Variants in TNPO3 observed in about 807,000 individuals in gnomAD.
TNPO3 encodes the protein transportin 3, also known as transportin-3.
Under a neutral mutation model 122.8 loss-of-function variants are expected in TNPO3, and 65 were observed. The ratio of observed to expected loss-of-function variants is 0.53; its 90% CI spans 0.43 to 0.65. The LOEUF (loss-of-function observed/expected upper bound fraction) is 0.65, where lower values mean the gene tolerates loss of function less well. Among genes scored for constraint, TNPO3 ranks in the 30% least tolerant of loss-of-function variants. The probability of loss-of-function intolerance (pLI) is 0.00; values close to 1 mark genes in which losing one functional copy is unlikely to be tolerated. For missense variants in TNPO3, 850 were observed against 1,136.7 expected, an observed-to-expected ratio of 0.75 and a Z score of 3.63; for synonymous variants, 372 against 411.2, an observed-to-expected ratio of 0.90 and a Z score of 1.15.
intron 9 of TNPO3, among the ~76,000 whole-genome samples, chr7:128,992,605 G>A (rs1800861331): frequency 6.6e-6 from 1 of 152,108 alleles, no homozygotes; most frequent in Non-Finnish European, 1.5e-5. Context: ...GGTACACCTA[G>A]CAGAATACTC....
At chr7:128,971,281 G>A (rs1798463503) in intron 19 of TNPO3, among the ~76,000 whole-genome samples, 1 of 151,936 alleles carries the variant, frequency 6.6e-6, no homozygotes, top group Non-Finnish European at 1.5e-5. Context: ...TAGAAACTGG[G>A]ATTACAGGCA....
chr7:128,964,954 A>T (rs182709628), intron 21 of TNPO3, among the ~76,000 whole-genome samples: 4 of 152,336 alleles, frequency 2.6e-5, no homozygotes, highest in African/African-American at 9.6e-5. Context: ...AAAAGGATCA[A>T]AGACCTGATA....
At chr7:129,024,230 G>T (rs971648025) in intron 1 of TNPO3, among the ~76,000 whole-genome samples, 5 of 152,158 alleles carry the variant, frequency 3.3e-5, no homozygotes, top group African/African-American at 1.2e-4. Flanking sequence ...TGGAGAGAAT[G>T]TGGAAGAGCC....
chr7:129,017,254 AAG>A (rs1183630891), intron 2 of TNPO3, among the ~76,000 whole-genome samples, 198 bp from the exon 3 acceptor site: 1 of 152,232 alleles, frequency 6.6e-6, no homozygotes, highest in Non-Finnish European at 1.5e-5. Context: ...GCTGAAATTT[AAG>A]AGTTAACCTT....
chr7:128,973,326 T>G (rs901194059), intron 18 of TNPO3, among the ~76,000 whole-genome samples: 47 of 152,182 alleles, frequency 3.1e-4, no homozygotes, highest in Admixed American at 1.3e-4. Flanking sequence ...TCTAAGTTCC[T>G]TTAATATACA....
At chr7:128,992,161 A>C in intron 9 of TNPO3, 71 bp from the exon 10 acceptor site, 1 of 835,888 alleles carries the variant, frequency 1.2e-6, no homozygotes, top group Non-Finnish European at 1.9e-6. Flanking sequence ...AAAACAAAAA[A>C]TCCAGTTAAA....
At chr7:128,987,246 C>T (rs1800259235) in intron 11 of TNPO3, among the ~76,000 whole-genome samples, 1 of 152,090 alleles carries the variant, frequency 6.6e-6, no homozygotes, top group Admixed American at 6.6e-5. Flanking sequence ...AAGAATATGG[C>T]AATGTAAGAA....
chr7:129,049,091 T>C (rs1360305172), intron 1 of TNPO3, among the ~76,000 whole-genome samples: 1 of 152,154 alleles, frequency 6.6e-6, no homozygotes, highest in Admixed American at 6.5e-5. Flanking sequence ...AGAATTTAGG[T>C]TGGGCTTTCA....
At chr7:128,992,198 C>G in intron 9 of TNPO3, 108 bp from the exon 10 acceptor site, 1 of 572,884 alleles carries the variant, frequency 1.7e-6, no homozygotes. Context: ...GTTTCTAAAT[C>G]TAATTACCTC....
rs1801895008 is a variant in TNPO3, at chr7:129,001,072, CACGTGCCACGGCCATATG to C, written c.841_858del (p.His281_Arg286del). 1 of 1,613,918 alleles carries C rather than the reference CACGTGCCACGGCCATATG, an allele frequency of 6.2e-7. No individual in the cohort carries two copies. On this transcript the variant is annotated inframe_deletion, in exon 6 of 23. Coordinates refer to ENST00000265388, the MANE Select transcript of TNPO3 (RefSeq NM_012470.4). ...ACAATTACTCACTTGTCTAAATCTTCACGTGCCACGGCCATATGATAGGCAGTCTCCAATGTCAGCACT... is the reference window on the plus strand; with the variant it reads ...ACAATTACTCACTTGTCTAAATCTTCATAGGCAGTCTCCAATGTCAGCACT...
At chr7:128,978,712 C>T (rs1366499449) in intron 16 of TNPO3, among the ~76,000 whole-genome samples, 1 of 152,078 alleles carries the variant, frequency 6.6e-6, no homozygotes, top group Non-Finnish European at 1.5e-5. Flanking sequence ...GGCTGGAGTG[C>T]AGTGCAGCTC....
At chr7:129,044,336 C>T (rs906604296) in intron 1 of TNPO3, among the ~76,000 whole-genome samples, 9 of 152,046 alleles carry the variant, frequency 5.9e-5, no homozygotes, top group Non-Finnish European at 2.9e-5. Context: ...TAAAATATTA[C>T]ACTATGACTG....
intron 1 of TNPO3, among the ~76,000 whole-genome samples, chr7:129,031,599 G>A (rs1164739413): frequency 1.3e-5 from 2 of 152,108 alleles, no homozygotes; most frequent in East Asian, 3.8e-4. Context: ...GGCTTTACTG[G>A]TGAATTCTAC....
At chr7:128,976,844 G>A (rs193123024) in intron 16 of TNPO3, among the ~76,000 whole-genome samples, 1 of 152,328 alleles carries the variant, frequency 6.6e-6, no homozygotes, top group Admixed American at 6.5e-5. Context: ...ATGAGCATGA[G>A]ATGGGAGCTA....
chr7:128,982,670 A>G (rs879527721), intron 13 of TNPO3, among the ~76,000 whole-genome samples: 3 of 151,956 alleles, frequency 2.0e-5, no homozygotes, highest in Non-Finnish European at 4.4e-5. Flanking sequence ...ATGTTACACA[A>G]TATGTAAAAG....
At chr7:128,974,250 T>C (rs1232428309) in intron 18 of TNPO3, among the ~76,000 whole-genome samples, 1 of 150,090 alleles carries the variant, frequency 6.7e-6, no homozygotes, top group Admixed American at 6.7e-5. Flanking sequence ...GTAAATGATA[T>C]AACAGTTGGG....
chr7:129,000,969 C>A, intron 6 of TNPO3, 90 bp downstream of exon 6: 1 of 1,427,542 alleles, frequency 7.0e-7, no homozygotes, highest in Non-Finnish European at 9.7e-7. Context: ...CACTGAGAAT[C>A]ACAAATGACA....
chr7:128,983,523 A>T (rs1799848308), intron 13 of TNPO3, among the ~76,000 whole-genome samples: 1 of 152,160 alleles, frequency 6.6e-6, no homozygotes, highest in Admixed American at 6.5e-5. Context: ...TCCTTTACCA[A>T]ATTATAAACA....
rs1809277773 is a variant in TNPO3, at chr7:129,054,750, T to G, written c.21A>C (p.Thr7=). 2 of 1,614,154 alleles carry G rather than the reference T, an allele frequency of 1.2e-6. No individual in the cohort carries two copies. The highest frequency in any genetic ancestry group is 1.7e-6 in the Non-Finnish European group (2 of 1,180,020). Residue 7 remains threonine, a synonymous_variant, in exon 1 of 23, where the codon ACA becomes ACC. Coordinates refer to ENST00000265388, the MANE Select transcript of TNPO3 (RefSeq NM_012470.4). ...GCACTGCCTGGTACACGAGCTGCAA[T>G]GTCGGCTTTGCTCCTTCCATGGTGG... MEGAKP[T]LQLVYQAVQA...
Sources: allele counts gnomAD v4.1 joint callset (sites outside exome capture counted in the v4.1 genomes callset), GRCh38; gene constraint gnomAD v4.1.1; transcripts MANE v1.5; gene names NCBI Gene and HGNC (gene_info 2026-07-23, HGNC 2026-07-21).